Variants in DGKQ observed in about 807,000 individuals in gnomAD.
DGKQ encodes the protein diacylglycerol kinase theta, also known as DAG kinase theta.
A neutral mutation model predicts 104.2 loss-of-function variants in DGKQ; 97 were observed. The observed-to-expected ratio is 0.93, with a 90% CI of 0.79 to 1.10. The LOEUF is 1.10. Among genes scored for constraint, DGKQ ranks in the 50% least tolerant of loss-of-function variants. DGKQ has a pLI of 0.00. For missense variants in DGKQ, 1,465 were observed against 1,352.1 expected (o/e 1.08, Z -1.31); for synonymous variants, 736 against 595.2 (o/e 1.24, Z -3.44).
rs1164704479 is a variant in DGKQ, at chr4:973,410, AGGCCGGGCTGCC to A, written c.61_72del (p.Gly21_Ala24del). On this transcript the variant is annotated inframe_deletion, in exon 1 of 23. Coordinates refer to ENST00000273814, the MANE Select transcript of DGKQ (RefSeq NM_001347.4). Reference sequence around the variant, plus strand: ...CCTCCTGAGCCCAGCACGGGGCTGCAGGCCGGGCTGCCGGGGCGCGGGGAGCCGCCGCCCAGC... The same window carrying A: ...CCTCCTGAGCCCAGCACGGGGCTGCAGGGGCGCGGGGAGCCGCCGCCCAGC... 3.0e-6 allele frequency: 3 copies of A among 1,007,724 alleles called. No homozygotes were observed. In the Admixed American group the frequency reaches 1.8e-4, roughly 61 times the overall value. The allele number at this position is 1,007,724 out of a possible 1,614,324, so 62.4% of individuals were successfully genotyped here.
In DGKQ at chr4:961,524, C is replaced by T. The variant is rs1315378530; in HGVS notation, c.2517G>A (p.Lys839=). The T allele has an allele frequency of 6.2e-7, 1 of 1,609,522 alleles. No homozygotes were observed. Among genetic ancestry groups the T allele is most frequent in the South Asian group, 1.1e-5 (1 of 90,758 alleles). The change falls in exon 21 of 23, where the codon AAG becomes AAA. Residue 839 remains lysine, a synonymous_variant. Coordinates refer to ENST00000273814, the MANE Select transcript of DGKQ (RefSeq NM_001347.4). ...CCAGCAGCCCGTCGTCCATGCGTGG[C>T]TTCTCAAACCTGGTGTCGCTGTCGG... ...WGSDSDTRFE[K]PRMDDGLLEV...
At position 963,129 on chromosome 4, in the gene DGKQ, C is replaced by T; in HGVS notation, c.1886+10G>A. 1 of 1,590,078 alleles carries T rather than the reference C, an allele frequency of 6.3e-7. No individual in the cohort carries two copies. Among genetic ancestry groups the T allele is most frequent in the Non-Finnish European group, 8.6e-7 (1 of 1,163,356 alleles). The stretch of plus-strand genomic sequence containing the variant: ...CTGCTGCCCTGGACCAGGGGTCCTG[C>T]TGGACTCACCCGGGAAGAGGACCTC... On this transcript the variant is annotated intron_variant, in intron 16 of 22. Transcript: ENST00000273814.
chr4:963,331 G>A (rs1712034434), intron 15 of DGKQ, 41 bp from the exon 16 acceptor site: 1 of 1,563,164 alleles, frequency 6.4e-7, no homozygotes, highest in Non-Finnish European at 8.7e-7. Context: ...GACCCAAGGT[G>A]GGGTGTCCCC....
At position 967,251 on chromosome 4, in the gene DGKQ, C is replaced by T. The variant is rs1286893933; in HGVS notation, c.1098G>A (p.Gly366=). 1.9e-6 allele frequency: 3 copies of T among 1,560,900 alleles called. No homozygotes were observed. The African/African-American group carries it at 4.1e-5, about 21-fold the overall frequency. The change falls in exon 9 of 23, where the codon GGG becomes GGA. Residue 366 remains glycine (G), a synonymous_variant. Coordinates refer to ENST00000273814, the MANE Select transcript of DGKQ (RefSeq NM_001347.4). ...TGCCCTCCTCCGAGATCACAGCACTCCCAGCCTTGCCCCCAGCCCAGGCGT... is the reference window on the plus strand; with the variant it reads ...TGCCCTCCTCCGAGATCACAGCACTTCCAGCCTTGCCCCCAGCCCAGGCGT... ...ACDAWAGGKA[G]SAVISEEGRS...
rs532316024 is a variant in DGKQ at position 965,340 on chromosome 4, C to T, written c.1619-49G>A. On this transcript the variant is annotated intron_variant, in intron 14 of 22. Transcript: ENST00000273814. ...GGGGGAGCCTGTCCCATGGCCCCCA[C>T]GGTGCCAGGGCAGGAACCAAACCAG... The T allele has an allele frequency of 2.8e-5, 45 of 1,580,554 alleles. 1 individual carries two copies. The highest frequency in any genetic ancestry group is 3.3e-4 in the Middle Eastern group (2 of 5,982).
chr4:962,221 T>A, intron 18 of DGKQ, 139 bp from the exon 19 acceptor site: 2 of 888,402 alleles, frequency 2.3e-6, no homozygotes, highest in Non-Finnish European at 3.5e-6. Context: ...GAGGGCAGCA[T>A]GGGCAGGTCC....
chr4:973,209 C>T lies in DGKQ; in HGVS notation c.271+3G>A. ...CGGGTAGGCATCGGGCCCGGGCGCT[C>T]ACCGTCGCACAGGAAGCCGGCCAGC... On this transcript the variant is annotated splice_donor_region_variant and intron_variant, in intron 1 of 22. Transcript: ENST00000273814. 2 of 1,550,812 alleles carry T rather than the reference C, an allele frequency of 1.3e-6. No homozygotes were observed. The highest frequency in any genetic ancestry group is 8.7e-7 in the Non-Finnish European group (1 of 1,151,450).
chr4:965,939 C>T lies in DGKQ; in HGVS notation c.1568G>A (p.Gly523Glu), dbSNP rs1254784734. Residue 523 changes from glycine to glutamate, a missense_variant, in exon 13 of 23, where the codon GGG becomes GAG. By Grantham distance (98) the Gly-to-Glu change is moderately conservative. Transcript: ENST00000273814. ...CACAGTGGTCACACCTTTGGTAGCCCCGGCCTCATGCAGCAGGCTGCTGTA... is the reference window on the plus strand; with the variant it reads ...CACAGTGGTCACACCTTTGGTAGCCTCGGCCTCATGCAGCAGGCTGCTGTA... The part of the protein sequence containing the change: ...EEYSSLLHEA[G>E]ATKATVVSVS... 2.5e-6 allele frequency: 4 copies of T among 1,602,966 alleles called. No homozygotes were observed. The highest frequency in any genetic ancestry group is 3.4e-6 in the Non-Finnish European group (4 of 1,175,118).
intron 4 of DGKQ, 22 bp downstream of exon 4, chr4:968,457 T>G (rs1322548275): frequency 6.3e-7 from 1 of 1,597,228 alleles, no homozygotes; most frequent in South Asian, 1.1e-5. Flanking sequence ...CCCCCAGGGC[T>G]CCCTGGGGCC....
Position 973,270 on chromosome 4 carries a change from G to A in DGKQ, c.213C>T (p.Pro71=). 2.6e-6 allele frequency: 4 copies of A among 1,547,916 alleles called. No individual in the cohort carries two copies. The highest frequency in any genetic ancestry group is 3.5e-6 in the Non-Finnish European group (4 of 1,150,356). Residue 71 remains proline (P), a synonymous_variant, in exon 1 of 23, where the codon CCC becomes CCT. Coordinates refer to ENST00000273814, the MANE Select transcript of DGKQ (RefSeq NM_001347.4). ...AGTCGGAGCAGAGGTGGCAGAAGGT[G>A]GGCTTGGTGAGCGTCACCTTCCGGA... The part of the protein sequence containing the change: ...HSFRKVTLTK[P]TFCHLCSDFI...
intron 12 of DGKQ, 121 bp downstream of exon 12, chr4:966,345 G>C: frequency 8.6e-7 from 1 of 1,164,914 alleles, no homozygotes; most frequent in African/African-American, 1.5e-5. Context: ...TGCCCTGTCA[G>C]CCAGGACAGC....
intron 22 of DGKQ, 42 bp downstream of exon 22, chr4:960,997 GCCGGCCCAGC>G: frequency 6.3e-7 from 1 of 1,598,266 alleles, no homozygotes; most frequent in Non-Finnish European, 8.5e-7. Context: ...CACTCCCATG[GCCGGCCCAGC>G]CCGGCCCACC....
At chr4:966,825 CG>C in intron 10 of DGKQ, 23 bp from the exon 11 acceptor site, 2 of 1,602,810 alleles carry the variant, frequency 1.2e-6, no homozygotes, top group Non-Finnish European at 1.7e-6. Context: ...AGCTTGGCAT[CG>C]GGTCTGGGCA....
chr4:968,185 T>C, intron 5 of DGKQ, 97 bp downstream of exon 5: 1 of 676,804 alleles, frequency 1.5e-6, no homozygotes. Context: ...CCCGCGCCTC[T>C]CCTGCCCCGC....
chr4:963,071 T>C, intron 16 of DGKQ, 68 bp downstream of exon 16: 1 of 1,519,376 alleles, frequency 6.6e-7, no homozygotes, highest in Non-Finnish European at 8.9e-7. Context: ...CCGAGACAGC[T>C]GTGGCAGCCT....
chr4:962,728 G>A (rs1711983374), intron 17 of DGKQ, 44 bp downstream of exon 17: 1 of 1,597,476 alleles, frequency 6.3e-7, no homozygotes, highest in South Asian at 1.1e-5. Context: ...CACAGGAAGG[G>A]GTAGACCCTG....
chr4:971,078 G>T lies in DGKQ; in HGVS notation c.272-6C>A, dbSNP rs1240743595. On this transcript the variant is annotated splice_polypyrimidine_tract_variant and splice_region_variant and intron_variant, in intron 1 of 22. Transcript: ENST00000273814. The surrounding 1 kb of genome is among the most constrained non-coding windows in gnomAD (Gnocchi z 4.0). ...ATGAGACATGAAATTGCAGACTGTG[G>T]GAATGAGCACTGTGTGAGTTGGCCC... The T allele has an allele frequency of 6.4e-7, 1 of 1,555,208 alleles. No homozygotes were observed. The highest frequency in any genetic ancestry group is 8.7e-7 in the Non-Finnish European group (1 of 1,148,680).
intron 20 of DGKQ, 51 bp from the exon 21 acceptor site, chr4:961,629 G>A (rs931949856): frequency 1.9e-6 from 3 of 1,610,368 alleles, no homozygotes; most frequent in Admixed American, 3.3e-5. Flanking sequence ...CAGGACGAGG[G>A]CTGAGCCTGC....
intron 22 of DGKQ, 109 bp from the exon 23 acceptor site, chr4:960,830 C>T: frequency 1.3e-6 from 2 of 1,508,212 alleles, no homozygotes; most frequent in South Asian, 2.5e-5. Context: ...ATCTCAGCCC[C>T]ATTTCACGGA....
Sources: allele counts gnomAD v4.1 joint callset, GRCh38; gene constraint gnomAD v4.1.1; non-coding constraint Gnocchi (gnomAD v3.1); transcripts MANE v1.5; gene names NCBI Gene and HGNC (gene_info 2026-07-23, HGNC 2026-07-21).